The following RHBDF2 variants were observed in gnomAD, a reference collection of about 807,000 sequenced individuals.
RHBDF2 encodes inactive rhomboid protein 2.
A neutral mutation model predicts 95.2 loss-of-function variants in RHBDF2; 38 were observed. The ratio of observed to expected loss-of-function variants is 0.40; its 90% CI spans 0.31 to 0.52. The LOEUF is 0.52. Among genes scored for constraint, RHBDF2 ranks in the 20% least tolerant of loss-of-function variants. The probability of loss-of-function intolerance (pLI) is 0.56; values close to 1 mark genes in which losing one functional copy is unlikely to be tolerated. For missense variants in RHBDF2, 863 were observed against 1,137.7 expected, an observed-to-expected ratio of 0.76 and a Z score of 3.47; for synonymous variants, 442 against 462.0, an observed-to-expected ratio of 0.96 and a Z score of 0.55.
chr17:76,484,472 C>T (rs1409039041), intron 2 of RHBDF2, among the ~76,000 whole-genome samples: 1 of 151,864 alleles, frequency 6.6e-6, no homozygotes, highest in Non-Finnish European at 1.5e-5. Flanking sequence ...TGAACCTGTC[C>T]TCCTCCTCCA....
intron 9 of RHBDF2, among the ~76,000 whole-genome samples, chr17:76,475,425 C>A (rs2073740066): frequency 6.6e-6 from 1 of 152,186 alleles, no homozygotes; most frequent in African/African-American, 2.4e-5. Flanking sequence ...GGCCTCTTTG[C>A]CTGCATTTCC....
At chr17:76,498,839 T>A (rs1475800389) in intron 1 of RHBDF2, among the ~76,000 whole-genome samples, 1 of 143,358 alleles carries the variant, frequency 7.0e-6, no homozygotes, top group Non-Finnish European at 1.5e-5. Context: ...TGTGTGTGTC[T>A]GTGTGTTTGT....
chr17:76,494,654 A>G (rs2074389786), intron 1 of RHBDF2, among the ~76,000 whole-genome samples: 1 of 152,250 alleles, frequency 6.6e-6, no homozygotes, highest in Admixed American at 6.5e-5. Context: ...GAGGAGGCTG[A>G]GGCAGAAGAA....
At chr17:76,483,267 C>G (rs529379112) in intron 2 of RHBDF2, among the ~76,000 whole-genome samples, 1 of 152,044 alleles carries the variant, frequency 6.6e-6, no homozygotes, top group African/African-American at 2.4e-5. Context: ...TCAACACATA[C>G]GGACAGACCT....
chr17:76,500,399 T>C (rs531343110), intron 1 of RHBDF2, among the ~76,000 whole-genome samples: 1 of 152,310 alleles, frequency 6.6e-6, no homozygotes, highest in Non-Finnish European at 1.5e-5. Flanking sequence ...CACGCCTCCC[T>C]TTCCACTGCC....
In RHBDF2 at chr17:76,471,032, G is replaced by C. The variant is rs1477946433; in HGVS notation, c.*601C>G. ...CGAGCACTCCCTGGGAGCAGGCCCT[G>C]GGGTGGCTCCGCCCAGTGTCGTTCT... On this transcript the variant is annotated 3_prime_UTR_variant, in exon 19 of 19. Transcript: ENST00000675367. The C allele has an allele frequency of 1.2e-4, 18 of 153,416 alleles. No homozygotes were observed. The highest frequency in any genetic ancestry group is 1.2e-3 in the Admixed American group (18 of 15,436). 9.5% of individuals were successfully genotyped at this position (153,416 alleles called of 1,614,324 possible). A position where few individuals can be genotyped will look rare whatever the true frequency, so the allele number is the denominator to read the frequency against.
intron 1 of RHBDF2, among the ~76,000 whole-genome samples, chr17:76,495,711 C>T (rs1036530015): frequency 6.6e-6 from 1 of 152,186 alleles, no homozygotes; most frequent in African/African-American, 2.4e-5. Flanking sequence ...GCCCTCACCT[C>T]GACACACTCA....
chr17:76,486,008 T>C lies in RHBDF2; in HGVS notation c.-22+1704A>G, dbSNP rs764047953. Among the ~76,000 whole-genome samples, 74 of 151,792 alleles carry C rather than the reference T, an allele frequency of 4.9e-4. 1 individual carries two copies. Among genetic ancestry groups the C allele is most frequent in the Non-Finnish European group, 9.6e-4 (65 of 67,952 alleles). On this transcript the variant is annotated intron_variant, in intron 2 of 18. Transcript: ENST00000675367. The stretch of plus-strand genomic sequence containing the variant: ...ACAGCTAAAGGGTGCAGGCTTTCTT[T>C]AGGGGGTGATGAAAGCAATCTGAAA...
chr17:76,472,137 A>G, intron 18 of RHBDF2, 85 bp from the exon 19 acceptor site: 2 of 1,342,268 alleles, frequency 1.5e-6, no homozygotes, highest in South Asian at 1.5e-5. Flanking sequence ...CCCATCGATC[A>G]GCTCCTCCCT....
chr17:76,499,658 C>T (rs533576904), intron 1 of RHBDF2, among the ~76,000 whole-genome samples: 2 of 152,264 alleles, frequency 1.3e-5, no homozygotes, highest in South Asian at 4.1e-4. Context: ...ATGTCACTTT[C>T]AAAAGGTGTA....
chr17:76,474,907 A>G, intron 10 of RHBDF2, 103 bp from the exon 11 acceptor site: 1 of 1,533,548 alleles, frequency 6.5e-7, no homozygotes, highest in South Asian at 1.2e-5. Flanking sequence ...GGAAGGGGCC[A>G]GGCTATGGTG....
Position 76,472,677 on chromosome 17 carries a change from C to T in RHBDF2, c.2064+9G>A, listed in dbSNP as rs1275628124. ...TGTGCGGAAGGGGTCCCATCCTCCA[C>T]ATCCTTACCTCTGCCCGGTATGGGA... On this transcript the variant is annotated intron_variant, in intron 18 of 18. Transcript: ENST00000675367. The T allele has an allele frequency of 4.3e-6, 7 of 1,613,886 alleles. No homozygotes were observed. The highest frequency in any genetic ancestry group is 5.9e-6 in the Non-Finnish European group (7 of 1,180,026).
At chr17:76,480,051 G>GTATATATATATATATATATATA (rs1188366686) in intron 3 of RHBDF2, 197 bp from the exon 4 acceptor site, 1 of 39,858 alleles carries the variant, frequency 2.5e-5, no homozygotes, top group African/African-American at 7.6e-5. Context: ...GTTTGTATAT[G>GTATATATATATATATATATATA]TATATATATA....
At chr17:76,497,297 T>G (rs1446807628) in intron 1 of RHBDF2, among the ~76,000 whole-genome samples, 1 of 152,072 alleles carries the variant, frequency 6.6e-6, no homozygotes, top group Admixed American at 6.5e-5. Flanking sequence ...ACCAACTCCA[T>G]GAGCTGCCCC....
intron 18 of RHBDF2, 21 bp from the exon 19 acceptor site, chr17:76,472,073 C>A: frequency 6.5e-7 from 1 of 1,536,632 alleles, no homozygotes; most frequent in Non-Finnish European, 8.8e-7. Context: ...GCAGGGGAGA[C>A]GTGGCTTCAG....
chr17:76,484,882 C>T (rs1403820066), intron 2 of RHBDF2, among the ~76,000 whole-genome samples: 4 of 152,256 alleles, frequency 2.6e-5, no homozygotes, highest in East Asian at 3.9e-4. Context: ...CATTTGCTGT[C>T]GGGTTAGTCA....
chr17:76,499,359 C>T (rs577789563), intron 1 of RHBDF2, among the ~76,000 whole-genome samples: 62 of 152,260 alleles, frequency 4.1e-4, no homozygotes, highest in Admixed American at 3.8e-3. Flanking sequence ...ATCCGATCCT[C>T]TCCCACCGTG....
chr17:76,498,782 G>A (rs1244072733), intron 1 of RHBDF2, among the ~76,000 whole-genome samples: 1 of 140,746 alleles, frequency 7.1e-6, no homozygotes, highest in African/African-American at 2.8e-5. Flanking sequence ...GGGCTGGAGA[G>A]AAAGAGAGTG....
intron 1 of RHBDF2, among the ~76,000 whole-genome samples, chr17:76,498,789 AGTGTGTGT>A (rs60130089): frequency 0.014 from 1,946 of 143,738 alleles, 40 homozygotes; most frequent in African/African-American, 0.045. Context: ...AGAGAAAGAG[AGTGTGTGT>A]GTGTGTGTGT....
Sources: gnomAD v4.1 joint callset for allele counts (sites outside exome capture counted in the v4.1 genomes callset) on GRCh38, gnomAD v4.1.1 for gene constraint, MANE v1.5 for transcripts, NCBI Gene and HGNC (gene_info 2026-07-23, HGNC 2026-07-21) for gene names.